The following GAREM2 variants were observed in gnomAD, a reference collection of about 807,000 sequenced individuals.
The protein encoded by GAREM2 is GRB2-associated and regulator of MAPK protein 2.
A neutral mutation model predicts 55.6 loss-of-function variants in GAREM2; 30 were observed. The ratio of observed to expected loss-of-function variants is 0.54; its 90% CI spans 0.40 to 0.73. GAREM2 has a LOEUF of 0.73. GAREM2 is among the 30% of genes least tolerant of loss of function. GAREM2 has a pLI of 0.00. For synonymous variants in GAREM2, 550 were observed against 569.1 expected, an observed-to-expected ratio of 0.97 and a Z score of 0.48; for missense variants, 1,075 against 1,257.7, an observed-to-expected ratio of 0.85 and a Z score of 2.20.
At position 26,188,433 on chromosome 2, in the gene GAREM2, C is replaced by T. The variant is rs1669369308; in HGVS notation, c.*176C>T. 1 of 484,778 alleles carries T rather than the reference C, an allele frequency of 2.1e-6. No individual in the cohort carries two copies. The highest frequency in any genetic ancestry group is 2.0e-5 in the African/African-American group (1 of 50,402). 30.0% of individuals were successfully genotyped at this position (484,778 alleles called of 1,614,324 possible). A position where few individuals can be genotyped will look rare whatever the true frequency, so the allele number is the denominator to read the frequency against. On this transcript the variant is annotated 3_prime_UTR_variant, in exon 6 of 6. Transcript: ENST00000401533. ...GAAATGTGGTCCTCTGGGGTCAGAC[C>T]CCTGCACGGGACATCTTGCCTTTGA...
rs776685082 is a variant in GAREM2 at position 26,187,341 on chromosome 2, C to T, written c.1709C>T (p.Ala570Val). ...GTGGGCGAGTCCTCTAGCCGCCCAG[C>T]CCCCGGTCCCCTACCCTCAACCACA... is the stretch of plus-strand genomic sequence containing the variant. ...CKVGESSSRPAPGPLPSTTQP... is the reference protein window; with the variant it reads ...CKVGESSSRPVPGPLPSTTQP... The change falls in exon 6 of 6, where the codon GCC (alanine) becomes GTC (valine). Residue 570 changes from alanine (A) to valine (V), a missense_variant. Transcript: ENST00000401533. 3.0e-5 allele frequency: 46 copies of T among 1,539,200 alleles called. No individual in the cohort carries two copies. The African/African-American group carries it at 5.5e-4, about 18-fold the overall frequency.
chr2:26,191,047 A>G (rs185927189), downstream of GAREM2: 21 of 645,994 alleles, frequency 3.3e-5, no homozygotes, highest in Non-Finnish European at 5.0e-5. Flanking sequence ...CTACCTTCCA[A>G]CAGGAAGTGC....
chr2:26,180,524 G>T (rs906840851), intron 2 of GAREM2, among the ~76,000 whole-genome samples: 2 of 152,182 alleles, frequency 1.3e-5, no homozygotes, highest in African/African-American at 2.4e-5. Flanking sequence ...CCACCTGAAG[G>T]CCCCTTTCTT....
chr2:26,195,156 T>C, the GAREM2 span: 17 of 1,612,684 alleles, frequency 1.1e-5, no homozygotes, highest in Non-Finnish European at 1.2e-5. Flanking sequence ...ACTGGTGTCT[T>C]TGGAAGTTTT....
chr2:26,183,777 T>TAGTG (rs968353931), intron 3 of GAREM2, among the ~76,000 whole-genome samples: 4 of 152,202 alleles, frequency 2.6e-5, no homozygotes, highest in Non-Finnish European at 5.9e-5. Context: ...TATGTACAGA[T>TAGTG]AGTGCTGTTC....
At chr2:26,182,293 A>T (rs1669075859) in intron 2 of GAREM2, 1 of 1,439,486 alleles carries the variant, frequency 6.9e-7, no homozygotes, top group Admixed American at 2.8e-5. Flanking sequence ...GCCTACTCTC[A>T]GGGAGGTGGC....
intron 1 of GAREM2, among the ~76,000 whole-genome samples, chr2:26,175,605 TG>T (rs1460779367): frequency 1.3e-5 from 2 of 152,148 alleles, no homozygotes; most frequent in Non-Finnish European, 2.9e-5. Flanking sequence ...GAGATGGGGT[TG>T]GGGGTTTCTG....
the GAREM2 span, among the ~76,000 whole-genome samples, chr2:26,196,936 T>C: frequency 2.0e-5 from 3 of 152,230 alleles, no homozygotes; most frequent in African/African-American, 4.8e-5. Context: ...CCGCATCACT[T>C]CTAATCTGCT....
chr2:26,185,244 C>G lies in GAREM2; in HGVS notation c.1396C>G (p.Pro466Ala). ...ACCGCCGCGTCGGGAGCCGGAAGCG[C>G]CGCCGCCTCCAGTCCCTCCCAAATC... ...AGPPRREPEA[P>A]PPPVPPKSEA... Residue 466 changes from proline to alanine, a missense_variant, in exon 4 of 6, where the codon CCG (proline) becomes GCG (alanine). Around this residue, in one of 6 missense-constraint regions of GAREM2, gnomAD observed 515 missense variants for 501.5 expected, o/e 1.03. Transcript: ENST00000401533. The G allele has an allele frequency of 2.0e-6, 3 of 1,521,368 alleles. No homozygotes were observed. The highest frequency in any genetic ancestry group is 2.3e-4 in the Middle Eastern group (1 of 4,318). The allele number at this position is 1,521,368 out of a possible 1,614,324, so 94.2% of individuals were successfully genotyped here.
At chr2:26,180,001 T>C (rs1487349062) in intron 2 of GAREM2, among the ~76,000 whole-genome samples, 1 of 152,118 alleles carries the variant, frequency 6.6e-6, no homozygotes, top group African/African-American at 2.4e-5. Flanking sequence ...CTGCAGTTCC[T>C]GCTTCCCAAG....
At chr2:26,201,807 T>C in the GAREM2 span, among the ~76,000 whole-genome samples, 5 of 152,066 alleles carry the variant, frequency 3.3e-5, no homozygotes, top group Non-Finnish European at 5.9e-5. Flanking sequence ...TTTTTATTTA[T>C]TTTTTGAGAC....
intron 1 of GAREM2, 105 bp downstream of exon 1, chr2:26,173,437 C>G (rs1040480943): frequency 1.8e-6 from 1 of 555,642 alleles, no homozygotes; most frequent in African/African-American, 2.0e-5. Flanking sequence ...CCGCACCCTC[C>G]CAGCTCCCCG....
At chr2:26,200,821 C>G in the GAREM2 span, among the ~76,000 whole-genome samples, 1 of 151,728 alleles carries the variant, frequency 6.6e-6, no homozygotes, top group Non-Finnish European at 1.5e-5. Context: ...CAACCTCTGC[C>G]TCCCAGGTTC....
At chr2:26,192,350 T>C, downstream of GAREM2, 1 of 1,609,098 alleles carries the variant, frequency 6.2e-7, no homozygotes, top group Non-Finnish European at 8.5e-7. Context: ...GCTAAAATAC[T>C]ATCCATGTCA....
At chr2:26,182,314 T>C in intron 2 of GAREM2, 1 of 1,457,912 alleles carries the variant, frequency 6.9e-7, no homozygotes, top group Non-Finnish European at 9.1e-7. Flanking sequence ...TTTGCTGGGT[T>C]CAGGTCAGAG....
downstream of GAREM2, chr2:26,193,519 G>A: frequency 7.2e-7 from 1 of 1,380,758 alleles, no homozygotes; most frequent in South Asian, 1.2e-5. Context: ...TTGGTCTCAG[G>A]AACTGCTTAG....
chr2:26,202,949 A>C, the GAREM2 span, among the ~76,000 whole-genome samples: 1 of 152,226 alleles, frequency 6.6e-6, no homozygotes, highest in African/African-American at 2.4e-5. Context: ...ACTCGCCAGA[A>C]CCTGATGTTT....
chr2:26,187,113 G>A, intron 5 of GAREM2, 118 bp from the exon 6 acceptor site: 2 of 1,285,010 alleles, frequency 1.6e-6, no homozygotes, highest in South Asian at 5.8e-5. Context: ...CTGGGGCTGG[G>A]GTGCAGGCCC....
In GAREM2 at chr2:26,187,401, C is replaced by G; in HGVS notation, c.1769C>G (p.Pro590Arg). ...CAGGCCTCCCGGGCCCTCACAGAGC[C>G]TCTGAGCGGTCGAGCCGCCTCCCTT... ...PSQASRALTEPLSGRAASLLG... is the reference protein window; with the variant it reads ...PSQASRALTERLSGRAASLLG... Residue 590 changes from proline (P) to arginine (R), a missense_variant, in exon 6 of 6, where the codon CCT becomes CGT. Transcript: ENST00000401533. 7.8e-6 allele frequency: 12 copies of G among 1,547,666 alleles called. No homozygotes were observed. Among genetic ancestry groups the G allele is most frequent in the Non-Finnish European group, 9.6e-6 (11 of 1,145,034 alleles).
Sources: allele counts gnomAD v4.1 joint callset (sites outside exome capture counted in the v4.1 genomes callset), GRCh38; gene constraint gnomAD v4.1.1; regional missense constraint gnomAD v4.1.1; transcripts MANE v1.5; gene names NCBI Gene and HGNC (gene_info 2026-07-23, HGNC 2026-07-21).